The following ZNF37A variants were observed in gnomAD, a reference collection of about 807,000 sequenced individuals.
ZNF37A encodes zinc finger protein 37a (KOX 21).
ZNF37A carries 10 observed loss-of-function variants against 12.3 expected under a neutral mutation model. The ratio of observed to expected loss-of-function variants is 0.82; its 90% CI spans 0.50 to 1.38. The LOEUF is 1.38. ZNF37A is among the 40% of genes most tolerant of loss of function. ZNF37A has a pLI of 0.00. For missense variants in ZNF37A, 580 were observed against 651.2 expected, an observed-to-expected ratio of 0.89 and a Z score of 1.19; for synonymous variants, 207 against 223.0, an observed-to-expected ratio of 0.93 and a Z score of 0.64.
intron 5 of ZNF37A, among the ~76,000 whole-genome samples, chr10:38,101,247 C>T (rs1276609245): frequency 6.6e-6 from 1 of 152,050 alleles, no homozygotes; most frequent in African/African-American, 2.4e-5. Context: ...GAAAACATTG[C>T]CACATATAAT....
rs1297016541 is a variant in ZNF37A at position 38,120,853 on chromosome 10, A to C, written c.*2016A>C. On this transcript the variant is annotated 3_prime_UTR_variant, in exon 8 of 8. Coordinates refer to ENST00000685332, the MANE Select transcript of ZNF37A (RefSeq NM_001324250.3). ...CATAGGGCAGGAGCCTGAAAAGCTA[A>C]TTTGAGAAGATAATAAGTAGGATTT... 1.3e-5 allele frequency: 2 copies of C among 152,254 alleles called. No individual in the cohort carries two copies. The highest frequency in any genetic ancestry group is 1.3e-4 in the Admixed American group (2 of 15,286). 9.4% of individuals were successfully genotyped at this position (152,254 alleles called of 1,614,324 possible).
chr10:38,125,943 G>C (rs1014358185), downstream of ZNF37A, among the ~76,000 whole-genome samples: 1 of 152,158 alleles, frequency 6.6e-6, no homozygotes, highest in Non-Finnish European at 1.5e-5. Context: ...GAGCAAGAGA[G>C]AGGGAGTTGG....
At chr10:38,143,478 C>T (rs2070212793) in intron 7 of ZNF37A, 1 of 152,110 alleles carries the variant, frequency 6.6e-6, no homozygotes, top group Non-Finnish European at 1.5e-5. Context: ...TATCTGGTCC[C>T]CAGTCTCATC....
intron 5 of ZNF37A, among the ~76,000 whole-genome samples, chr10:38,100,857 T>C (rs751039523): frequency 2.0e-5 from 3 of 152,156 alleles, no homozygotes; most frequent in East Asian, 1.9e-4. Flanking sequence ...TGTTTAGAGA[T>C]TGCAGTAAAG....
At chr10:38,129,176 AT>A (rs1564385051), downstream of ZNF37A, among the ~76,000 whole-genome samples, 1 of 151,558 alleles carries the variant, frequency 6.6e-6, no homozygotes, top group East Asian at 1.9e-4. Flanking sequence ...GCATTGTTCA[AT>A]TTTCTAGAGT....
downstream of ZNF37A, among the ~76,000 whole-genome samples, chr10:38,127,134 GAT>G (rs2069939565): frequency 6.6e-6 from 1 of 152,134 alleles, no homozygotes; most frequent in Non-Finnish European, 1.5e-5. Flanking sequence ...AAAAATGTAA[GAT>G]GAGAAACTGG....
chr10:38,115,132 C>T, intron 6 of ZNF37A, 63 bp from the exon 7 acceptor site: 1 of 1,420,970 alleles, frequency 7.0e-7, no homozygotes, highest in Non-Finnish European at 9.6e-7. Flanking sequence ...TTGGGGTATA[C>T]TGTCTTCCTC....
At position 38,120,789 on chromosome 10, in the gene ZNF37A, C is replaced by CCTA. The variant is rs1485069386; in HGVS notation, c.*1952_*1953insCTA. 6.6e-6 allele frequency: 1 copy of CCTA among 152,188 alleles called. No individual in the cohort carries two copies. Among genetic ancestry groups the CCTA allele is most frequent in the East Asian group, 1.9e-4 (1 of 5,188 alleles). 9.4% of individuals were successfully genotyped at this position (152,188 alleles called of 1,614,324 possible). On this transcript the variant is annotated 3_prime_UTR_variant, in exon 8 of 8. Coordinates refer to ENST00000685332, the MANE Select transcript of ZNF37A (RefSeq NM_001324250.3). The stretch of plus-strand genomic sequence containing the variant: ...ATGGATACATTAGGAGCTTCAAACA[C>CCTA]ATATAATTTCTCAAGAAATTTCCAG...
At chr10:38,112,232 A>G (rs1161094848) in intron 5 of ZNF37A, among the ~76,000 whole-genome samples, 2 of 151,804 alleles carry the variant, frequency 1.3e-5, no homozygotes, top group Admixed American at 6.6e-5. Context: ...AGCCTGGTCC[A>G]TTTAGAACTT....
At chr10:38,112,583 G>A (rs775934231) in intron 5 of ZNF37A, among the ~76,000 whole-genome samples, 11 of 147,990 alleles carry the variant, frequency 7.4e-5, no homozygotes, top group Non-Finnish European at 1.0e-4. Flanking sequence ...TTTTTCTTTC[G>A]GAATTCATTT....
Position 38,094,478 on chromosome 10 carries a change from G to A in ZNF37A, c.-504G>A, listed in dbSNP as rs176858. The A allele has an allele frequency of 6.6e-6, 1 of 152,288 alleles. No homozygotes were observed. The highest frequency in any genetic ancestry group is 2.4e-5 in the African/African-American group (1 of 41,460). 9.4% of individuals were successfully genotyped at this position (152,288 alleles called of 1,614,324 possible). On this transcript the variant is annotated 5_prime_UTR_variant, in exon 1 of 8. The change abolishes the stop of an existing upstream ORF in the 5' untranslated region. Transcript: ENST00000685332. Reference sequence around the variant, plus strand: ...CCCGGCATCTCCTGGCGTCCGGGTAGAGGACGCGGAGGGTGAGTAAGGGAG... The same window carrying A: ...CCCGGCATCTCCTGGCGTCCGGGTAAAGGACGCGGAGGGTGAGTAAGGGAG...
At chr10:38,117,166 T>A in intron 7 of ZNF37A, 1 of 984,014 alleles carries the variant, frequency 1.0e-6, no homozygotes, top group African/African-American at 1.7e-5. Context: ...CCACACAGAA[T>A]TGGAGCCTGG....
intron 5 of ZNF37A, among the ~76,000 whole-genome samples, chr10:38,103,513 TTATC>T (rs1185635401): frequency 6.6e-6 from 1 of 152,174 alleles, no homozygotes; most frequent in African/African-American, 2.4e-5. Flanking sequence ...TTTAAATTCT[TTATC>T]TAGTAAGACC....
chr10:38,112,489 C>G (rs176880), intron 5 of ZNF37A, among the ~76,000 whole-genome samples: 62,388 of 151,540 alleles, frequency 0.41, 13,032 homozygotes, highest in East Asian at 0.5. Context: ...TTTGTGCAAC[C>G]TCAGACATAA....
At chr10:38,110,383 C>G (rs1275843855) in intron 5 of ZNF37A, among the ~76,000 whole-genome samples, 1 of 152,092 alleles carries the variant, frequency 6.6e-6, no homozygotes, top group East Asian at 1.9e-4. Context: ...CATAAAAACC[C>G]TAGAGGAAAA....
At chr10:38,125,731 T>C (rs1389044122), downstream of ZNF37A, among the ~76,000 whole-genome samples, 1 of 152,138 alleles carries the variant, frequency 6.6e-6, no homozygotes, top group Non-Finnish European at 1.5e-5. Flanking sequence ...TTTTGGGGAA[T>C]AAACATAGAA....
At chr10:38,136,962 A>G (rs573892157) in intron 7 of ZNF37A, among the ~76,000 whole-genome samples, 1 of 152,144 alleles carries the variant, frequency 6.6e-6, no homozygotes, top group East Asian at 1.9e-4. Flanking sequence ...CAGTTATTGT[A>G]CTTTTCATTT....
At chr10:38,108,081 T>C (rs1354735811) in intron 5 of ZNF37A, among the ~76,000 whole-genome samples, 2 of 152,136 alleles carry the variant, frequency 1.3e-5, no homozygotes, top group Non-Finnish European at 2.9e-5. Context: ...ACATTTATTC[T>C]AAAATTGACC....
chr10:38,134,113 CGTGCCA>C (rs2070071595), intron 7 of ZNF37A, among the ~76,000 whole-genome samples: 1 of 152,190 alleles, frequency 6.6e-6, no homozygotes, highest in Admixed American at 6.5e-5. Context: ...ACATAGTTCT[CGTGCCA>C]TGGTTTTCAG....
Sources: gnomAD v4.1 joint callset for allele counts (sites outside exome capture counted in the v4.1 genomes callset) on GRCh38, gnomAD v4.1.1 for gene constraint, MANE v1.5 for transcripts, NCBI Gene and HGNC (gene_info 2026-07-23, HGNC 2026-07-21) for gene names.